Variants in FARS2 observed in about 807,000 individuals in gnomAD.
FARS2 encodes phenylalanyl-tRNA synthetase 2, mitochondrial.
Under a neutral mutation model 46.4 loss-of-function variants are expected in FARS2, and 40 were observed. That is an observed-to-expected ratio of 0.86 (90% confidence interval 0.67 to 1.12). The LOEUF (loss-of-function observed/expected upper bound fraction) is 1.12. FARS2 is among the 50% of genes most tolerant of loss of function. FARS2 has a pLI of 0.00. For missense variants in FARS2, 513 were observed against 567.9 expected (o/e 0.90, Z 0.98); for synonymous variants, 234 against 214.9 (o/e 1.09, Z -0.78).
chr6:5,563,301 G>T (rs76782930), intron 5 of FARS2, among the ~76,000 whole-genome samples: 6 of 152,238 alleles, frequency 3.9e-5, no homozygotes, highest in Admixed American at 2.6e-4. Flanking sequence ...TTATATACAC[G>T]TGGGAATATG....
intron 5 of FARS2, among the ~76,000 whole-genome samples, chr6:5,564,407 G>A (rs1446680597): frequency 5.9e-5 from 9 of 152,122 alleles, no homozygotes; most frequent in Non-Finnish European, 7.3e-5. Flanking sequence ...ACATTTTTAT[G>A]TTACCCATCC....
At chr6:5,439,575 A>T (rs1763727159) in intron 4 of FARS2, among the ~76,000 whole-genome samples, 1 of 152,188 alleles carries the variant, frequency 6.6e-6, no homozygotes, top group Non-Finnish European at 1.5e-5. Flanking sequence ...TTTTGGTCGT[A>T]ATCAGAGAGA....
rs1191144739 is a variant in FARS2, at chr6:5,765,609, G to T, written c.1218-5682G>T. ...TGTCAGTGTTCTCGGGGAGGTGGGA[G>T]AAATTATGCACTGAAGAGCAAATCT... On this transcript the variant is annotated intron_variant, in intron 6 of 6. Coordinates refer to ENST00000274680, the MANE Select transcript of FARS2 (RefSeq NM_006567.5). The surrounding 1 kb of genome is among the most constrained non-coding windows in gnomAD (Gnocchi z 4.0). Among the ~76,000 whole-genome samples, 2 of 152,202 alleles carry T rather than the reference G, an allele frequency of 1.3e-5. No homozygotes were observed. Among genetic ancestry groups the T allele is most frequent in the South Asian group, 2.1e-4 (1 of 4,828 alleles).
intron 4 of FARS2, among the ~76,000 whole-genome samples, chr6:5,518,321 G>C (rs1768935203): frequency 6.6e-6 from 1 of 152,108 alleles, no homozygotes; most frequent in Admixed American, 6.5e-5. Flanking sequence ...CTGAGATTTT[G>C]AATTTCAGAG....
chr6:5,413,289 T>A (rs1762040787), intron 3 of FARS2, among the ~76,000 whole-genome samples: 1 of 152,112 alleles, frequency 6.6e-6, no homozygotes, highest in Admixed American at 6.5e-5. Flanking sequence ...AATAATAAAT[T>A]GAAATTGTTT....
chr6:5,525,129 G>A (rs933936347), intron 4 of FARS2, among the ~76,000 whole-genome samples: 6 of 151,954 alleles, frequency 3.9e-5, no homozygotes, highest in Admixed American at 3.9e-4. Flanking sequence ...AGAAATGGCT[G>A]CCGACGTACA....
intron 1 of FARS2, among the ~76,000 whole-genome samples, chr6:5,353,726 G>GTTTTTTTTTTTTTTTTTTTTTTGTTT (rs1757727108): frequency 2.5e-5 from 1 of 40,362 alleles, no homozygotes; most frequent in Non-Finnish European, 4.3e-5. Flanking sequence ...AATATTTGGT[G>GTTTTTTTTTTTTTTTTTTTTTTGTTT]TTTTTTTTTT....
chr6:5,550,766 T>C (rs1309603603), intron 5 of FARS2, among the ~76,000 whole-genome samples: 3 of 152,208 alleles, frequency 2.0e-5, no homozygotes, highest in Non-Finnish European at 2.9e-5. Context: ...ATTTATATCA[T>C]AGGGATTCAT....
intron 5 of FARS2, among the ~76,000 whole-genome samples, chr6:5,600,301 G>T (rs985152839): frequency 2.0e-5 from 3 of 152,188 alleles, no homozygotes; most frequent in African/African-American, 7.2e-5. Flanking sequence ...TTAGAGGGAT[G>T]TTTAGAACTT....
intron 6 of FARS2, among the ~76,000 whole-genome samples, chr6:5,741,047 G>C (rs6597162): frequency 0.21 from 31,241 of 152,108 alleles, 7,296 homozygotes; most frequent in African/African-American, 0.57. Context: ...GTCCCCAAGG[G>C]CCTCTCTGGA....
intron 5 of FARS2, among the ~76,000 whole-genome samples, chr6:5,548,926 T>C (rs967950037): frequency 5.3e-5 from 8 of 152,274 alleles, no homozygotes; most frequent in African/African-American, 1.7e-4. Flanking sequence ...TAAAATACTT[T>C]GTGAAGTATA....
intron 5 of FARS2, among the ~76,000 whole-genome samples, chr6:5,566,309 C>T (rs112239392): frequency 6.6e-6 from 1 of 151,702 alleles, no homozygotes; most frequent in Non-Finnish European, 1.5e-5. Flanking sequence ...TCAGCCATCC[C>T]TTACAGTGTA....
intron 4 of FARS2, among the ~76,000 whole-genome samples, chr6:5,497,442 G>A (rs1767538822): frequency 6.6e-6 from 1 of 152,132 alleles, no homozygotes; most frequent in Non-Finnish European, 1.5e-5. Flanking sequence ...ATCTTAATGT[G>A]GGATAAAGGA....
chr6:5,662,467 G>A (rs142471691), intron 6 of FARS2, among the ~76,000 whole-genome samples: 2 of 152,280 alleles, frequency 1.3e-5, no homozygotes, highest in African/African-American at 2.4e-5. Context: ...CATCAGTCAC[G>A]TTGCCGCTTG....
At chr6:5,496,228 A>C (rs530907523) in intron 4 of FARS2, among the ~76,000 whole-genome samples, 1 of 152,282 alleles carries the variant, frequency 6.6e-6, no homozygotes, top group Non-Finnish European at 1.5e-5. Flanking sequence ...GTTGCTCTGC[A>C]CAGAGCACAT....
At chr6:5,399,555 A>G (rs1436368276) in intron 2 of FARS2, among the ~76,000 whole-genome samples, 2 of 151,618 alleles carry the variant, frequency 1.3e-5, no homozygotes, top group Non-Finnish European at 2.9e-5. Context: ...CATGACCCCC[A>G]CTCTGCCATT....
At chr6:5,658,181 G>A (rs759034706) in intron 6 of FARS2, among the ~76,000 whole-genome samples, 1 of 151,682 alleles carries the variant, frequency 6.6e-6, no homozygotes, top group Non-Finnish European at 1.5e-5. Context: ...GCTTGAACCC[G>A]GAAGGTGGAG....
chr6:5,465,312 AG>A (rs1320626322), intron 4 of FARS2, among the ~76,000 whole-genome samples: 4 of 152,248 alleles, frequency 2.6e-5, no homozygotes, highest in African/African-American at 9.6e-5. Context: ...AAGTAAAAAC[AG>A]AATTCTGAGA....
intron 4 of FARS2, among the ~76,000 whole-genome samples, chr6:5,476,201 A>T (rs1172361485): frequency 6.6e-6 from 1 of 152,164 alleles, no homozygotes; most frequent in Non-Finnish European, 1.5e-5. Context: ...CGAACGGGAG[A>T]GAACCAGGAT....
Sources: gnomAD v4.1 joint callset for allele counts (sites outside exome capture counted in the v4.1 genomes callset) on GRCh38, gnomAD v4.1.1 for gene constraint, Gnocchi (gnomAD v3.1) non-coding constraint, MANE v1.5 for transcripts, NCBI Gene and HGNC (gene_info 2026-07-23, HGNC 2026-07-21) for gene names.